Variants in ALPL observed in about 807,000 individuals in gnomAD.
ALPL encodes the protein alkaline phosphatase, tissue-nonspecific isozyme.
Under a neutral mutation model 51.3 loss-of-function variants are expected in ALPL, and 42 were observed. That is an observed-to-expected ratio of 0.82 (90% confidence interval 0.64 to 1.06). The LOEUF (loss-of-function observed/expected upper bound fraction) is 1.06. Ranked by LOEUF, ALPL falls within the 50% of genes least tolerant of loss-of-function variation. The pLI, the probability that ALPL is intolerant of heterozygous loss-of-function variation, is 0.00. For synonymous variants in ALPL, 279 were observed against 296.4 expected (o/e 0.94, Z 0.60); for missense variants, 589 against 709.4 (o/e 0.83, Z 1.93).
chr1:21,559,028 G>T (rs1001774591), intron 2 of ALPL, among the ~76,000 whole-genome samples: 1 of 152,166 alleles, frequency 6.6e-6, no homozygotes, highest in Non-Finnish European at 1.5e-5. Flanking sequence ...GCCAGTGCGT[G>T]TGTGAGGAAG....
intron 8 of ALPL, among the ~76,000 whole-genome samples, chr1:21,572,494 G>A (rs928915493): frequency 6.6e-6 from 1 of 152,156 alleles, no homozygotes; most frequent in Admixed American, 6.5e-5. Context: ...TCATTTCGGT[G>A]GCATTCTATG....
At chr1:21,561,476 A>G (rs1326439569) in intron 4 of ALPL, among the ~76,000 whole-genome samples, 1 of 151,974 alleles carries the variant, frequency 6.6e-6, no homozygotes. Context: ...TGCAGCCTCC[A>G]ACTCCTGGGC....
chr1:21,527,871 G>C (rs771532899), intron 1 of ALPL, among the ~76,000 whole-genome samples: 2 of 152,112 alleles, frequency 1.3e-5, no homozygotes, highest in Non-Finnish European at 2.9e-5. Flanking sequence ...TTGAATGGCT[G>C]TTTAGCTGGA....
intron 1 of ALPL, among the ~76,000 whole-genome samples, chr1:21,531,209 T>A (rs1644026076): frequency 6.6e-6 from 1 of 152,124 alleles, no homozygotes; most frequent in South Asian, 2.1e-4. Flanking sequence ...TCCACCCGCC[T>A]TGGCCTCCCA....
intron 1 of ALPL, among the ~76,000 whole-genome samples, chr1:21,542,760 CT>C (rs1644204353): frequency 6.6e-6 from 1 of 152,158 alleles, no homozygotes; most frequent in Non-Finnish European, 1.5e-5. Context: ...ATCGCTTGAA[CT>C]CTGAAGGCGG....
chr1:21,527,224 G>T (rs1314375043), intron 1 of ALPL, among the ~76,000 whole-genome samples: 5 of 151,932 alleles, frequency 3.3e-5, no homozygotes, highest in African/African-American at 1.2e-4. Context: ...TAGAGACGGG[G>T]TTTCTCCGTG....
intron 1 of ALPL, among the ~76,000 whole-genome samples, chr1:21,535,487 C>T (rs1439009610): frequency 1.3e-5 from 2 of 152,138 alleles, no homozygotes; most frequent in East Asian, 1.9e-4. Flanking sequence ...TGCTGTGCGC[C>T]GGTGGTCCCA....
In ALPL at chr1:21,564,478, A is replaced by G. The variant is rs1570277859; in HGVS notation, c.648+262A>G. Among the ~76,000 whole-genome samples the G allele has an allele frequency of 6.6e-6, 1 of 152,272 alleles. No homozygotes were observed. The highest frequency in any genetic ancestry group is 1.9e-4 in the East Asian group (1 of 5,166). On this transcript the variant is annotated intron_variant, in intron 6 of 11. Transcript: ENST00000374840. This position sits in a 1 kb window ranked among gnomAD's most constrained non-coding sequence, Gnocchi z 5.8. ...CATCCAGGGATGATTCCATAAATTG[A>G]AACCTGGTGCTGTGCCCTCCTCTGC...
intron 2 of ALPL, among the ~76,000 whole-genome samples, chr1:21,556,040 T>C (rs1297887277): frequency 6.6e-6 from 1 of 152,220 alleles, no homozygotes; most frequent in Admixed American, 6.5e-5. Flanking sequence ...CCTAAAGTGC[T>C]GGGATTACAG....
chr1:21,512,940 T>G (rs1643720165), intron 1 of ALPL, among the ~76,000 whole-genome samples: 1 of 152,164 alleles, frequency 6.6e-6, no homozygotes. Flanking sequence ...TGTTTAATTG[T>G]AGGATGGTGG....
At chr1:21,562,546 C>T (rs1207023622) in intron 4 of ALPL, among the ~76,000 whole-genome samples, 1 of 152,106 alleles carries the variant, frequency 6.6e-6, no homozygotes, top group Non-Finnish European at 1.5e-5. Flanking sequence ...TGCTCTCAGG[C>T]TGGTGGGGAA....
intron 5 of ALPL, 24 bp downstream of exon 5, chr1:21,563,308 G>A: frequency 6.2e-7 from 1 of 1,600,298 alleles, no homozygotes; most frequent in Non-Finnish European, 8.5e-7. Flanking sequence ...GCAGTGGGGA[G>A]CAGGGCCAGC....
At chr1:21,519,609 C>CAACATGGTGA (rs1643863806) in intron 1 of ALPL, among the ~76,000 whole-genome samples, 1 of 152,164 alleles carries the variant, frequency 6.6e-6, no homozygotes, top group Non-Finnish European at 1.5e-5. Flanking sequence ...ACAGCCTGGC[C>CAACATGGTGA]AACATGGTGA....
intron 1 of ALPL, among the ~76,000 whole-genome samples, chr1:21,521,270 C>T (rs1210806314): frequency 6.6e-6 from 1 of 152,024 alleles, no homozygotes; most frequent in East Asian, 1.9e-4. Flanking sequence ...CTGCAACCTG[C>T]GCCTCCCGGG....
At position 21,563,771 on chromosome 1, in the gene ALPL, TTGA is replaced by T. The variant is rs57788099; in HGVS notation, c.473-266_473-264del. On this transcript the variant is annotated intron_variant, in intron 5 of 11. Coordinates refer to ENST00000374840, the MANE Select transcript of ALPL (RefSeq NM_000478.6). ...ATCCCTCAGGGGTCCTGTGGGCGCC[TTGA>T]TGAAGGGGAGGACTCCAGCCCAGGT... Among the ~76,000 whole-genome samples the T allele has an allele frequency of 0.073, 11,117 of 152,080 alleles. 500 individuals carry two copies. Among genetic ancestry groups the T allele is most frequent in the African/African-American group, 0.13 (5,388 of 41,474 alleles).
At position 21,542,074 on chromosome 1, in the gene ALPL, C is replaced by T. The variant is rs558086119; in HGVS notation, c.-104-11904C>T. ...TCTTCATGACAGCCATAAATAACTT[C>T]CTCCAGTAATGAATACAGTCCTGGC... On this transcript the variant is annotated intron_variant, in intron 1 of 11. Transcript: ENST00000374840. 6.6e-5 allele frequency among the ~76,000 whole-genome samples: 10 copies of T among 152,340 alleles called. 1 individual carries two copies. The South Asian group carries it at 1.9e-3, about 28-fold the overall frequency.
At chr1:21,569,358 C>G (rs537200222) in intron 7 of ALPL, among the ~76,000 whole-genome samples, 16 of 152,298 alleles carry the variant, frequency 1.1e-4, no homozygotes, top group South Asian at 8.3e-4. Context: ...ACCATGGCCC[C>G]GAGCCTGGCC....
At chr1:21,527,865 A>C (rs919003054) in intron 1 of ALPL, among the ~76,000 whole-genome samples, 1 of 152,012 alleles carries the variant, frequency 6.6e-6, no homozygotes, top group African/African-American at 2.4e-5. Flanking sequence ...TAACATTTGA[A>C]TGGCTGTTTA....
At chr1:21,558,935 G>A (rs180765188) in intron 2 of ALPL, among the ~76,000 whole-genome samples, 173 of 152,334 alleles carry the variant, frequency 1.1e-3, no homozygotes, top group African/African-American at 3.3e-3. Context: ...TCCTAATGTG[G>A]AGGAGACACT....
Sources: allele counts gnomAD v4.1 joint callset (sites outside exome capture counted in the v4.1 genomes callset), GRCh38; gene constraint gnomAD v4.1.1; non-coding constraint Gnocchi (gnomAD v3.1); transcripts MANE v1.5; gene names NCBI Gene and HGNC (gene_info 2026-07-23, HGNC 2026-07-21).